The following AFDN variants were observed in gnomAD, a reference collection of about 807,000 sequenced individuals.
The protein encoded by AFDN is afadin, adherens junction formation factor, also known as afadin.
In AFDN, 68 loss-of-function variants were observed where a neutral mutation model predicts 216.6. The observed-to-expected ratio is 0.31, with a 90% confidence interval of 0.26 to 0.38. The LOEUF is 0.38. Ranked by LOEUF, AFDN falls within the 10% of genes least tolerant of loss-of-function variation. AFDN has a pLI of 1.00. For missense variants in AFDN, 2,136 were observed against 2,342.0 expected (o/e 0.91, Z 1.82); for synonymous variants, 868 against 853.7 (o/e 1.02, Z -0.29).
intron 12 of AFDN, 66 bp from the exon 13 acceptor site, chr6:167,907,105 C>A (rs114409600): frequency 3.3e-6 from 4 of 1,194,174 alleles, no homozygotes; most frequent in Non-Finnish European, 4.9e-6. Context: ...CTGCTTGCAA[C>A]GCTGAGTGTC....
rs527327137 is a variant in AFDN, at chr6:167,961,068, T to TAAA, written c.4834-1356_4834-1354dup. Among the ~76,000 whole-genome samples, 615 of 148,822 alleles carry TAAA rather than the reference T, an allele frequency of 4.1e-3. 5 individuals carry two copies. Among genetic ancestry groups the TAAA allele is most frequent in the Middle Eastern group, 0.029 (8 of 280 alleles). ...AGGGAGAGTGAAGTTGATTTTTATT[T>TAAA]AAAAAAAAAAATACATACAAAATCA... is the stretch of plus-strand genomic sequence containing the variant. On this transcript the variant is annotated intron_variant, in intron 30 of 33. Coordinates refer to ENST00000683244, the MANE Select transcript of AFDN (RefSeq NM_001386888.1).
intron 5 of AFDN, among the ~76,000 whole-genome samples, chr6:167,876,164 G>A (rs560956909): frequency 6.6e-6 from 1 of 152,236 alleles, no homozygotes; most frequent in Admixed American, 6.5e-5. Context: ...TTTCAGCCTA[G>A]TGTCCAGACA....
chr6:167,927,379 A>G (rs1792693982), intron 23 of AFDN, among the ~76,000 whole-genome samples: 1 of 152,130 alleles, frequency 6.6e-6, no homozygotes, highest in Non-Finnish European at 1.5e-5. Flanking sequence ...TACTAAGGAG[A>G]GCAGAATAAG....
chr6:167,965,802 C>G lies in AFDN; in HGVS notation c.5014C>G (p.Arg1672Gly), dbSNP rs200850120. ...GYYSRLEAER[R>G]RQHDEAARRL... ...TTACAGCCGCCTGGAAGCCGAGAGG[C>G]GCAGACAGCACGACGAGGCGGCGCG... The change falls in exon 32 of 34, where the codon CGC becomes GGC. Residue 1672 changes from arginine (R) to glycine (G), a missense_variant. Coordinates refer to ENST00000683244, the MANE Select transcript of AFDN (RefSeq NM_001386888.1). The G allele has an allele frequency of 2.5e-6, 4 of 1,568,988 alleles. No individual in the cohort carries two copies. Among genetic ancestry groups the G allele is most frequent in the Admixed American group, 1.9e-5 (1 of 53,850 alleles).
intron 1 of AFDN, among the ~76,000 whole-genome samples, chr6:167,835,038 C>T (rs1191291135): frequency 5.3e-5 from 8 of 152,136 alleles, no homozygotes; most frequent in African/African-American, 1.4e-4. Flanking sequence ...CTTTTACTCA[C>T]GTGTGATTTT....
At chr6:167,830,739 C>CT (rs2128074401) in intron 1 of AFDN, among the ~76,000 whole-genome samples, 1 of 152,268 alleles carries the variant, frequency 6.6e-6, no homozygotes, top group South Asian at 2.1e-4. Context: ...TTTTAATACT[C>CT]TGATTAATCG....
intron 13 of AFDN, among the ~76,000 whole-genome samples, chr6:167,910,638 TCTAACC>T (rs1233463961): frequency 1.1e-4 from 17 of 152,200 alleles, no homozygotes; most frequent in Non-Finnish European, 1.9e-4. Flanking sequence ...GGTCAGCTTG[TCTAACC>T]CTGTGTCAGC....
intron 5 of AFDN, among the ~76,000 whole-genome samples, chr6:167,877,361 G>A (rs904677861): frequency 4.6e-5 from 7 of 152,154 alleles, no homozygotes; most frequent in Admixed American, 2.0e-4. Flanking sequence ...GGGTTTGGGA[G>A]TGATCAGTGT....
chr6:167,907,998 G>C (rs1789923225), intron 13 of AFDN, among the ~76,000 whole-genome samples: 1 of 152,224 alleles, frequency 6.6e-6, no homozygotes, highest in Non-Finnish European at 1.5e-5. Flanking sequence ...ATGATTTGGT[G>C]CTGAACACCT....
At position 167,861,725 on chromosome 6, in the gene AFDN, G is replaced by A. The variant is rs138841909; in HGVS notation, c.106-2826G>A. Among the ~76,000 whole-genome samples, 47 of 152,258 alleles carry A rather than the reference G, an allele frequency of 3.1e-4. No individual in the cohort carries two copies. In the East Asian group the frequency reaches 9.1e-3, roughly 29 times the overall value. The stretch of plus-strand genomic sequence containing the variant: ...TGGGCATTCCCTCTCACCCTTGCCA[G>A]CCACAGATGATGCTTCTGTTTTTCT... On this transcript the variant is annotated intron_variant, in intron 1 of 33. Transcript: ENST00000683244.
rs765916256 is a variant in AFDN at position 167,962,499 on chromosome 6, C to G, written c.4900C>G (p.Arg1634Gly). The change falls in exon 31 of 34, where the codon CGA becomes GGA. Residue 1634 changes from arginine (R) to glycine (G), a missense_variant. Around this residue, in one of 8 missense-constraint regions of AFDN, gnomAD observed 981 missense variants for 966.0 expected, o/e 1.02. Transcript: ENST00000683244. The surrounding 1 kb of genome is among the most constrained non-coding windows in gnomAD (Gnocchi z 5.2). ...GATGCGCAAGCGGGAAGCGGAAGAC[C>G]GAGCGAGGCAAGAGGAAGAGCGCCG... ...EEMRKREAEDRARQEEERRRQ... is the reference protein window; with the variant it reads ...EEMRKREAEDGARQEEERRRQ... 1 of 1,613,650 alleles carries G rather than the reference C, an allele frequency of 6.2e-7. No individual in the cohort carries two copies. Among genetic ancestry groups the G allele is most frequent in the Non-Finnish European group, 8.5e-7 (1 of 1,179,708 alleles).
intron 12 of AFDN, among the ~76,000 whole-genome samples, chr6:167,904,247 C>G (rs1185693993): frequency 6.6e-6 from 1 of 151,834 alleles, no homozygotes; most frequent in African/African-American, 2.4e-5. Flanking sequence ...TCTGCTCTCT[C>G]TCCCAGTTTG....
chr6:167,889,585 C>G (rs1025691159), intron 7 of AFDN, among the ~76,000 whole-genome samples: 1 of 152,152 alleles, frequency 6.6e-6, no homozygotes, highest in African/African-American at 2.4e-5. Context: ...AGGCTCCGCC[C>G]CCATGCCCGG....
chr6:167,946,913 A>G lies in AFDN; in HGVS notation c.3553+12A>G, dbSNP rs1795331439. 2 of 1,601,960 alleles carry G rather than the reference A, an allele frequency of 1.2e-6. No individual in the cohort carries two copies. The highest frequency in any genetic ancestry group is 2.3e-5 in the South Asian group (2 of 88,358). On this transcript the variant is annotated intron_variant, in intron 27 of 33. Transcript: ENST00000683244. ...CCCCAACGTAGCAAGTAAGAGTGAC[A>G]CTTTTTTGCTTCCTAAGTACACTTG...
At chr6:167,923,788 A>G (rs1792136278) in intron 22 of AFDN, among the ~76,000 whole-genome samples, 1 of 151,792 alleles carries the variant, frequency 6.6e-6, no homozygotes, top group African/African-American at 2.4e-5. Flanking sequence ...ACACTTGGCT[A>G]ATTTTTTTGA....
At chr6:167,938,806 G>A (rs1794327662) in intron 23 of AFDN, among the ~76,000 whole-genome samples, 1 of 152,128 alleles carries the variant, frequency 6.6e-6, no homozygotes, top group Non-Finnish European at 1.5e-5. Flanking sequence ...TTGAAACATG[G>A]AGTAACAGGT....
At chr6:167,851,960 C>T (rs979454053) in intron 1 of AFDN, among the ~76,000 whole-genome samples, 3 of 152,198 alleles carry the variant, frequency 2.0e-5, no homozygotes, top group South Asian at 4.2e-4. Context: ...CATTTTTTAG[C>T]GTGAAAATTT....
chr6:167,888,863 G>A (rs1787200710), intron 6 of AFDN, among the ~76,000 whole-genome samples: 1 of 152,084 alleles, frequency 6.6e-6, no homozygotes, highest in Non-Finnish European at 1.5e-5. Context: ...GTGGGTTAAG[G>A]ACTAGAGAGA....
chr6:167,956,447 A>G (rs1796530355), intron 30 of AFDN, among the ~76,000 whole-genome samples: 2 of 152,114 alleles, frequency 1.3e-5, no homozygotes, highest in African/African-American at 4.8e-5. Flanking sequence ...CTGTCAGTCC[A>G]GGGCCTACCT....
Sources: allele counts gnomAD v4.1 joint callset (sites outside exome capture counted in the v4.1 genomes callset), GRCh38; gene constraint gnomAD v4.1.1; regional missense constraint gnomAD v4.1.1; non-coding constraint Gnocchi (gnomAD v3.1); transcripts MANE v1.5; gene names NCBI Gene and HGNC (gene_info 2026-07-23, HGNC 2026-07-21).